Variants in POLA1 observed in about 807,000 individuals in gnomAD.
POLA1 encodes the protein DNA polymerase alpha catalytic subunit.
A neutral mutation model predicts 124.0 loss-of-function variants in POLA1; 15 were observed. The ratio of observed to expected loss-of-function variants is 0.12; its 90% CI spans 0.08 to 0.19. The LOEUF (loss-of-function observed/expected upper bound fraction) is 0.19. POLA1 is among the 10% of genes least tolerant of loss of function. The probability of loss-of-function intolerance (pLI) is 1.00; values close to 1 mark genes in which losing one functional copy is unlikely to be tolerated. For synonymous variants in POLA1, 408 were observed against 389.4 expected, an observed-to-expected ratio of 1.05 and a Z score of -0.56; for missense variants, 886 against 1,103.4, an observed-to-expected ratio of 0.80 and a Z score of 2.79.
At chrX:24,750,324 A>G (rs918194046) in intron 26 of POLA1, among the ~76,000 whole-genome samples, 3 of 112,908 alleles carry the variant, frequency 2.7e-5, no homozygotes, top group Non-Finnish European at 5.6e-5. Context: ...TGCACTATCC[A>G]GTGCTGTAGT....
chrX:24,951,793 T>C (rs755404695), intron 36 of POLA1, among the ~76,000 whole-genome samples: 2 of 112,070 alleles, frequency 1.8e-5, no homozygotes, highest in South Asian at 7.6e-4. Context: ...ACTCCTGTAT[T>C]ACATTTTTAA....
chrX:24,778,311 C>A lies in POLA1; in HGVS notation c.2964+29319C>A, dbSNP rs180889668. ...AGTGGCACGATCTCGGCTCACTGCA[C>A]CCTCCACCTCCCAGGTTCAAGCGAT... On this transcript the variant is annotated intron_variant, in intron 26 of 36. Coordinates refer to ENST00000379068, the MANE Select transcript of POLA1 (RefSeq NM_001330360.2). Among the ~76,000 whole-genome samples, 380 of 110,948 alleles carry A rather than the reference C, an allele frequency of 3.4e-3. 3 individuals are homozygous for A. Among genetic ancestry groups the A allele is most frequent in the African/African-American group, 0.011 (349 of 30,489 alleles).
rs139663745 is a variant in POLA1 at position 24,905,912 on chromosome X, A to C, written c.4164+17790A>C. ...ATAGAAAATCTCAACAAAGAAATGG[A>C]ACATGTAAATTATCGGGGAAATGCA... On this transcript the variant is annotated intron_variant, in intron 35 of 36. Coordinates refer to ENST00000379068, the MANE Select transcript of POLA1 (RefSeq NM_001330360.2). Among the ~76,000 whole-genome samples the C allele has an allele frequency of 4.9e-4, 55 of 112,121 alleles. No individual in the cohort carries two copies. The East Asian group carries it at 0.015, about 30-fold the overall frequency.
chrX:24,731,956 A>G (rs1256918347), intron 15 of POLA1, among the ~76,000 whole-genome samples: 1 of 111,715 alleles, frequency 9.0e-6, no homozygotes, highest in African/African-American at 3.3e-5. Flanking sequence ...AAAAGTTTAA[A>G]GTATTTATTA....
At chrX:24,811,248 C>CT (rs372687014) in intron 28 of POLA1, among the ~76,000 whole-genome samples, 1,048 of 98,647 alleles carry the variant, frequency 0.011, 21 homozygotes, top group African/African-American at 0.032. Context: ...GCCCAATCCT[C>CT]TTTTTTTTTT....
intron 35 of POLA1, among the ~76,000 whole-genome samples, chrX:24,910,720 A>T (rs2147179094): frequency 8.9e-6 from 1 of 112,000 alleles, no homozygotes; most frequent in South Asian, 3.8e-4. Context: ...CTAATTGTAT[A>T]TGCACCTAAC....
rs1284754341 is a variant in POLA1, at chrX:24,897,734, C to T, written c.4164+9612C>T. On this transcript the variant is annotated intron_variant, in intron 35 of 36. Transcript: ENST00000379068. Reference sequence around the variant, plus strand: ...TACTCTTTCCCACCTATTCCTCTCCCTTCTTAGATCCTTCTTGTGTTTATG... The same window carrying T: ...TACTCTTTCCCACCTATTCCTCTCCTTTCTTAGATCCTTCTTGTGTTTATG... Among the ~76,000 whole-genome samples, 5 of 111,904 alleles carry T rather than the reference C, an allele frequency of 4.5e-5. No individual in the cohort carries two copies. The East Asian group carries it at 1.4e-3, about 31-fold the overall frequency.
At chrX:24,924,775 A>C (rs2047666943) in intron 35 of POLA1, among the ~76,000 whole-genome samples, 1 of 111,937 alleles carries the variant, frequency 8.9e-6, no homozygotes, top group Admixed American at 9.4e-5. Flanking sequence ...ATAGACCTGA[A>C]AGGGGTGGAA....
chrX:24,699,334 T>G, intron 1 of POLA1, 91 bp from the exon 2 acceptor site: 1 of 687,607 alleles, frequency 1.5e-6, no homozygotes, highest in South Asian at 4.1e-5. Flanking sequence ...AAATTGTATG[T>G]TATTGTTGGC....
Position 24,951,299 on chromosome X carries a change from GTTTGATCAC to G in POLA1, c.4261+20752_4261+20760del, listed in dbSNP as rs759384438. ...AGGCTTAAGCTCTTGCTCAGTAACA[GTTTGATCAC>G]TATACAGATACTCACTTTCTTTAAA... On this transcript the variant is annotated intron_variant, in intron 36 of 36. Coordinates refer to ENST00000379068, the MANE Select transcript of POLA1 (RefSeq NM_001330360.2). Among the ~76,000 whole-genome samples the G allele has an allele frequency of 4.3e-3, 400 of 93,418 alleles. 6 individuals carry two copies. Among genetic ancestry groups the G allele is most frequent in the African/African-American group, 0.015 (373 of 25,523 alleles). 81.1% of individuals were successfully genotyped at this position (93,418 alleles called of 115,157 possible).
intron 35 of POLA1, among the ~76,000 whole-genome samples, chrX:24,889,899 A>G (rs1239461140): frequency 9.0e-6 from 1 of 111,437 alleles, no homozygotes; most frequent in African/African-American, 3.3e-5. Context: ...TTAGGATAAT[A>G]TATCATTTCA....
chrX:24,899,502 G>A (rs2047247494), intron 35 of POLA1, among the ~76,000 whole-genome samples: 1 of 111,526 alleles, frequency 9.0e-6, no homozygotes, highest in African/African-American at 3.3e-5. Context: ...CAATTTCACA[G>A]CTGGTTTGCT....
chrX:24,774,998 T>C (rs1345973536), intron 26 of POLA1, among the ~76,000 whole-genome samples: 2 of 112,481 alleles, frequency 1.8e-5, no homozygotes, highest in South Asian at 3.7e-4. Flanking sequence ...TAAACAGATA[T>C]AATCACACCA....
chrX:24,809,023 C>T (rs1350995161), intron 26 of POLA1, among the ~76,000 whole-genome samples: 1 of 111,106 alleles, frequency 9.0e-6, no homozygotes, highest in Non-Finnish European at 1.9e-5. Context: ...CATTCTAGGA[C>T]ACTAATTTCT....
chrX:24,866,244 C>T (rs1301231130), intron 34 of POLA1, among the ~76,000 whole-genome samples: 1 of 111,956 alleles, frequency 8.9e-6, no homozygotes, highest in Admixed American at 9.5e-5. Context: ...CATAGATTAT[C>T]TCTGCCAAAA....
At chrX:24,946,841 A>T (rs2047967890) in intron 36 of POLA1, among the ~76,000 whole-genome samples, 1 of 111,934 alleles carries the variant, frequency 8.9e-6, no homozygotes, top group African/African-American at 3.3e-5. Flanking sequence ...TTCTGACTCC[A>T]TCCTCTTTTC....
At position 24,716,957 on chromosome X, in the gene POLA1, G is replaced by C; in HGVS notation, c.692G>C (p.Arg231Pro). The C allele has an allele frequency of 8.5e-7, 1 of 1,180,513 alleles. No homozygotes were observed. Among genetic ancestry groups the C allele is most frequent in the Non-Finnish European group, 1.1e-6 (1 of 870,213 alleles). Residue 231 changes from arginine (R) to proline (P), a missense_variant, in exon 8 of 37, where the codon CGT becomes CCT. Arg to Pro is a moderately radical substitution (Grantham distance 103). Transcript: ENST00000379068. ...EPPLTPVPLKRAEFAGDDVQV... is the reference protein window; with the variant it reads ...EPPLTPVPLKPAEFAGDDVQV... ...CCATTAACTCCTGTTCCTCTTAAACGTGCTGAATTTGCTGGTAAGTGTGAT... is the reference window on the plus strand; with the variant it reads ...CCATTAACTCCTGTTCCTCTTAAACCTGCTGAATTTGCTGGTAAGTGTGAT...
chrX:24,823,033 G>C (rs1192621761), intron 31 of POLA1, among the ~76,000 whole-genome samples: 1 of 111,955 alleles, frequency 8.9e-6, no homozygotes, highest in Non-Finnish European at 1.9e-5. Context: ...CTTGATGTCT[G>C]AATGTTAGGT....
intron 36 of POLA1, among the ~76,000 whole-genome samples, chrX:24,965,408 G>A (rs1323777034): frequency 3.6e-5 from 4 of 112,040 alleles, no homozygotes; most frequent in Non-Finnish European, 7.5e-5. Context: ...TCCTCACATA[G>A]CTCCTTGTAT....
Sources: gnomAD v4.1 joint callset for allele counts (sites outside exome capture counted in the v4.1 genomes callset) on GRCh38, gnomAD v4.1.1 for gene constraint, MANE v1.5 for transcripts, NCBI Gene and HGNC (gene_info 2026-07-23, HGNC 2026-07-21) for gene names.